Variants in HDAC8 observed in about 807,000 individuals in gnomAD.
HDAC8 encodes the protein histone deacetylase-like 1.
In HDAC8, 1 loss-of-function variant was observed where a neutral mutation model predicts 32.2. The observed-to-expected ratio is 0.03, with a 90% CI of 0.01 to 0.15. The LOEUF is 0.15. Ranked by LOEUF, HDAC8 falls within the 10% of genes least tolerant of loss-of-function variation. The pLI, the probability that HDAC8 is intolerant of heterozygous loss-of-function variation, is 1.00. For synonymous variants in HDAC8, 108 were observed against 113.9 expected, an observed-to-expected ratio of 0.95 and a Z score of 0.33; for missense variants, 117 against 300.0, an observed-to-expected ratio of 0.39 and a Z score of 4.51.
Position 72,491,968 on chromosome X carries a change from G to A in HDAC8, c.551-962C>T, listed in dbSNP as rs373787069. 3.0e-4 allele frequency among the ~76,000 whole-genome samples: 33 copies of A among 111,292 alleles called. No homozygotes were observed. In the East Asian group the frequency reaches 7.6e-3, roughly 26 times the overall value. ...CAGTCTTCACTACAGCCCCAACAGC[G>A]ACTTTAAAAAAATATTAACTCTATT... On this transcript the variant is annotated intron_variant, in intron 5 of 10. Coordinates refer to ENST00000373573, the MANE Select transcript of HDAC8 (RefSeq NM_018486.3).
At chrX:72,570,524 G>A (rs1436577143) in intron 2 of HDAC8, among the ~76,000 whole-genome samples, 1 of 107,279 alleles carries the variant, frequency 9.3e-6, no homozygotes, top group African/African-American at 3.4e-5. Context: ...CAGGAGAATC[G>A]CTTGAACCTG....
chrX:72,444,674 A>G (rs1381429857), intron 9 of HDAC8, among the ~76,000 whole-genome samples: 1 of 92,163 alleles, frequency 1.1e-5, no homozygotes, highest in African/African-American at 4.0e-5. Context: ...TAGTGTTGGA[A>G]GTTCTGGCCA....
chrX:72,436,931 T>G (rs1457152060), intron 9 of HDAC8, among the ~76,000 whole-genome samples: 2 of 111,856 alleles, frequency 1.8e-5, no homozygotes, highest in Non-Finnish European at 3.8e-5. Context: ...ATTAACAAAC[T>G]ATACAAATTG....
At chrX:72,559,368 A>C (rs1205035730) in intron 4 of HDAC8, among the ~76,000 whole-genome samples, 2 of 110,378 alleles carry the variant, frequency 1.8e-5, no homozygotes, top group African/African-American at 6.6e-5. Flanking sequence ...TCACTCACTC[A>C]GTGCTCAATG....
intron 9 of HDAC8, among the ~76,000 whole-genome samples, chrX:72,364,046 G>A (rs2044630084): frequency 9.0e-6 from 1 of 111,577 alleles, no homozygotes; most frequent in African/African-American, 3.3e-5. Context: ...GGAGTACATA[G>A]ACCCCGGCAG....
chrX:72,406,356 G>A (rs888303323), intron 9 of HDAC8, among the ~76,000 whole-genome samples: 5 of 111,881 alleles, frequency 4.5e-5, no homozygotes, highest in Non-Finnish European at 3.8e-5. Context: ...AGCCTCCTGA[G>A]TAGCTAGGAC....
At chrX:72,472,277 C>T (rs782118965) in intron 7 of HDAC8, among the ~76,000 whole-genome samples, 48 of 109,399 alleles carry the variant, frequency 4.4e-4, no homozygotes, top group Middle Eastern at 4.7e-3. Context: ...CCGTTTTAGC[C>T]GGGATGGTCT....
intron 4 of HDAC8, among the ~76,000 whole-genome samples, chrX:72,565,328 C>G (rs1010591464): frequency 5.3e-5 from 6 of 112,158 alleles, no homozygotes; most frequent in African/African-American, 1.9e-4. Context: ...AGTTTGTGGC[C>G]TAAATGCCTG....
In HDAC8 at chrX:72,498,692, A is replaced by G. The variant is rs141628286; in HGVS notation, c.438-3424T>C. Among the ~76,000 whole-genome samples, 479 of 111,969 alleles carry G rather than the reference A, an allele frequency of 4.3e-3. 4 individuals are homozygous for G. The highest frequency in any genetic ancestry group is 0.015 in the African/African-American group (458 of 30,906). ...TATATTCAACCTATATGCTTGGTATATTGATGATATATTATGTCAGGATTA... is the reference window on the plus strand; with the variant it reads ...TATATTCAACCTATATGCTTGGTATGTTGATGATATATTATGTCAGGATTA... On this transcript the variant is annotated intron_variant, in intron 4 of 10. Coordinates refer to ENST00000373573, the MANE Select transcript of HDAC8 (RefSeq NM_018486.3).
chrX:72,384,296 T>C (rs1214488440), intron 9 of HDAC8, among the ~76,000 whole-genome samples: 1 of 111,821 alleles, frequency 8.9e-6, no homozygotes, highest in African/African-American at 3.3e-5. Flanking sequence ...TAATAAAGAG[T>C]TGGCTCCACA....
chrX:72,453,236 C>A (rs1238547059), intron 9 of HDAC8, among the ~76,000 whole-genome samples: 1 of 109,116 alleles, frequency 9.2e-6, no homozygotes, highest in African/African-American at 3.3e-5. Context: ...TGCTTGAGCC[C>A]AGGAGTGGCA....
chrX:72,486,158 A>G (rs893983550), intron 7 of HDAC8, among the ~76,000 whole-genome samples: 1 of 112,267 alleles, frequency 8.9e-6, no homozygotes, highest in African/African-American at 3.2e-5. Context: ...AAGATAGTAG[A>G]TAAACTAAAT....
At chrX:72,510,382 A>G (rs1356494519) in intron 4 of HDAC8, among the ~76,000 whole-genome samples, 1 of 112,038 alleles carries the variant, frequency 8.9e-6, no homozygotes, top group Non-Finnish European at 1.9e-5. Flanking sequence ...TTGGCACGAT[A>G]AACAGTCACT....
At chrX:72,517,953 G>C (rs1455513336) in intron 4 of HDAC8, among the ~76,000 whole-genome samples, 10 of 111,569 alleles carry the variant, frequency 9.0e-5, no homozygotes, top group Non-Finnish European at 1.1e-4. Flanking sequence ...AGATTGTGTT[G>C]AATCTTTAGG....
chrX:72,474,862 C>T (rs1385581118), intron 7 of HDAC8: 4 of 406,557 alleles, frequency 9.8e-6, no homozygotes, highest in South Asian at 1.1e-4. Context: ...TACTGTGTGC[C>T]TTTGAGATCT....
intron 4 of HDAC8, among the ~76,000 whole-genome samples, chrX:72,527,513 T>A (rs1556032974): frequency 9.0e-6 from 1 of 111,618 alleles, no homozygotes; most frequent in Non-Finnish European, 1.9e-5. Flanking sequence ...GTCATTGTGG[T>A]CTATTTTATC....
At chrX:72,503,605 T>C (rs1263683091) in intron 4 of HDAC8, among the ~76,000 whole-genome samples, 1 of 111,725 alleles carries the variant, frequency 9.0e-6, no homozygotes, top group East Asian at 2.8e-4. Flanking sequence ...TACCCCTGAG[T>C]TCTCCAGGAT....
intron 9 of HDAC8, among the ~76,000 whole-genome samples, chrX:72,444,310 C>A (rs1555983547): frequency 1.8e-5 from 2 of 109,133 alleles, no homozygotes; most frequent in South Asian, 8.1e-4. Flanking sequence ...AAACCGAATC[C>A]AGCAGCACAT....
At chrX:72,370,290 T>C (rs1449476115) in intron 9 of HDAC8, among the ~76,000 whole-genome samples, 1 of 112,322 alleles carries the variant, frequency 8.9e-6, no homozygotes, top group Non-Finnish European at 1.9e-5. Context: ...GTAAGGGATA[T>C]TTTGGGGACA....
Sources: allele counts gnomAD v4.1 joint callset (sites outside exome capture counted in the v4.1 genomes callset), GRCh38; gene constraint gnomAD v4.1.1; transcripts MANE v1.5; gene names NCBI Gene and HGNC (gene_info 2026-07-23, HGNC 2026-07-21).